Variants in MACROD2 observed in about 807,000 individuals in gnomAD.
The protein encoded by MACROD2 is mono-ADP ribosylhydrolase 2.
Under a neutral mutation model 70.4 loss-of-function variants are expected in MACROD2, and 36 were observed. That is an observed-to-expected ratio of 0.51 (90% CI 0.39 to 0.68). MACROD2 has a LOEUF of 0.68. Among genes scored for constraint, MACROD2 ranks in the 30% least tolerant of loss-of-function variants. The pLI is 0.00. For synonymous variants in MACROD2, 172 were observed against 178.8 expected (o/e 0.96, Z 0.30); for missense variants, 496 against 538.4 (o/e 0.92, Z 0.78).
chr20:14,488,473 T>C (rs1394050047), intron 3 of MACROD2, among the ~76,000 whole-genome samples: 2 of 152,240 alleles, frequency 1.3e-5, no homozygotes, highest in African/African-American at 4.8e-5. Context: ...GCTAATGCTT[T>C]AGTTCACCCT....
intron 6 of MACROD2, among the ~76,000 whole-genome samples, chr20:15,305,241 T>C (rs372768717): frequency 2.2e-4 from 33 of 152,142 alleles, no homozygotes; most frequent in African/African-American, 7.7e-4. Flanking sequence ...GTTTTTTTTT[T>C]CCCATGGATC....
At chr20:15,332,434 T>C (rs540212241) in intron 6 of MACROD2, among the ~76,000 whole-genome samples, 7 of 151,608 alleles carry the variant, frequency 4.6e-5, no homozygotes, top group Non-Finnish European at 1.0e-4. Context: ...GGGATCTAAA[T>C]TTGGGCCTCA....
rs756329264 is a variant in MACROD2 at position 15,967,546 on chromosome 20, T to C, written c.908-7T>C. On this transcript the variant is annotated splice_region_variant and splice_polypyrimidine_tract_variant and intron_variant, in intron 12 of 17. Coordinates refer to ENST00000684519, the MANE Select transcript of MACROD2 (RefSeq NM_001351661.2). The stretch of plus-strand genomic sequence containing the variant: ...GCTGACCAAAGGTTTTGCTTGTTTG[T>C]TGTTAGATTTTGCAAAGGATGAAAA... 2 of 1,610,126 alleles carry C rather than the reference T, an allele frequency of 1.2e-6. No homozygotes were observed. The highest frequency in any genetic ancestry group is 2.2e-5 in the South Asian group (2 of 90,240).
intron 3 of MACROD2, among the ~76,000 whole-genome samples, chr20:14,477,096 G>C (rs955065009): frequency 6.6e-6 from 1 of 152,090 alleles, no homozygotes; most frequent in Non-Finnish European, 1.5e-5. Context: ...ATTGGGAGGC[G>C]GGAAGGGGAC....
At chr20:15,536,077 T>C (rs2047870749) in intron 8 of MACROD2, among the ~76,000 whole-genome samples, 2 of 152,192 alleles carry the variant, frequency 1.3e-5, no homozygotes, top group South Asian at 2.1e-4. Context: ...GCAGGGTCCA[T>C]GCAGTTTCAC....
At chr20:15,725,275 A>G (rs2050844707) in intron 8 of MACROD2, among the ~76,000 whole-genome samples, 1 of 152,132 alleles carries the variant, frequency 6.6e-6, no homozygotes, top group East Asian at 1.9e-4. Context: ...AGAGTTTTGT[A>G]GTTTTCCTCA....
chr20:14,412,713 C>T (rs146397367), intron 3 of MACROD2, among the ~76,000 whole-genome samples: 41 of 152,208 alleles, frequency 2.7e-4, no homozygotes, highest in African/African-American at 9.1e-4. Context: ...ATTAAACAAA[C>T]GAATGTCTGT....
At chr20:14,322,193 T>C (rs2082668440) in intron 3 of MACROD2, among the ~76,000 whole-genome samples, 1 of 132,642 alleles carries the variant, frequency 7.5e-6, no homozygotes, top group South Asian at 2.3e-4. Flanking sequence ...TATATATATA[T>C]ATATATATTT....
intron 2 of MACROD2, among the ~76,000 whole-genome samples, chr20:14,067,220 T>C (rs2053775339): frequency 1.3e-5 from 2 of 149,012 alleles, no homozygotes; most frequent in African/African-American, 2.5e-5. Flanking sequence ...GCCTCCCTGG[T>C]TCAAGCGATT....
chr20:14,900,629 T>C (rs2073884008), intron 5 of MACROD2, among the ~76,000 whole-genome samples: 2 of 152,000 alleles, frequency 1.3e-5, no homozygotes, highest in Admixed American at 1.3e-4. Context: ...AAAATCTTTT[T>C]TGTTTCTGCG....
chr20:14,840,939 C>A (rs572268739), intron 5 of MACROD2, among the ~76,000 whole-genome samples: 94 of 151,930 alleles, frequency 6.2e-4, no homozygotes, highest in Admixed American at 1.3e-4. Context: ...ATCAGATGTT[C>A]CATAATAATA....
At chr20:14,286,692 C>A (rs1359837070) in intron 3 of MACROD2, among the ~76,000 whole-genome samples, 1 of 151,988 alleles carries the variant, frequency 6.6e-6, no homozygotes, top group East Asian at 1.9e-4. Context: ...TGTTAATTTG[C>A]TTTAACACAT....
rs11471295 is a variant in MACROD2 at position 15,591,586 on chromosome 20, T to TA, written c.645+91769dup. ...TCCTAGTTCTGAGGAAAGCCAGTAC[T>TA]AAAAAAAAAAAAAAAAAAAAAAAAA... On this transcript the variant is annotated intron_variant, in intron 8 of 17. Transcript: ENST00000684519. 8.1e-3 allele frequency among the ~76,000 whole-genome samples: 529 copies of TA among 65,132 alleles called. 27 individuals are homozygous for TA. The highest frequency in any genetic ancestry group is 0.032 in the East Asian group (58 of 1,840). The allele number at this position is 65,132 out of a possible 152,430, so 42.7% of individuals were successfully genotyped here.
In MACROD2 at chr20:15,554,510, C is replaced by T. The variant is rs535156551; in HGVS notation, c.645+54663C>T. ...CATCAAATAAGTTTCATATTTTTGG[C>T]TTTAGAACCTATACATCATGGTAGT... On this transcript the variant is annotated intron_variant, in intron 8 of 17. Coordinates refer to ENST00000684519, the MANE Select transcript of MACROD2 (RefSeq NM_001351661.2). 2.0e-4 allele frequency among the ~76,000 whole-genome samples: 30 copies of T among 147,136 alleles called. No homozygotes were observed. In the East Asian group the frequency reaches 2.8e-3, roughly 14 times the overall value.
At chr20:14,079,048 C>T (rs1357835533) in intron 2 of MACROD2, among the ~76,000 whole-genome samples, 1 of 152,026 alleles carries the variant, frequency 6.6e-6, no homozygotes, top group African/African-American at 2.4e-5. Flanking sequence ...AACCAAATTC[C>T]CTCACCAGTT....
chr20:15,367,099 C>T (rs574045272), intron 6 of MACROD2, among the ~76,000 whole-genome samples: 1 of 150,584 alleles, frequency 6.6e-6, no homozygotes, highest in South Asian at 2.1e-4. Flanking sequence ...ATGATCTCGG[C>T]TCACTGTAAC....
At chr20:14,004,631 AAG>A (rs2052786184) in intron 2 of MACROD2, among the ~76,000 whole-genome samples, 1 of 152,136 alleles carries the variant, frequency 6.6e-6, no homozygotes, top group African/African-American at 2.4e-5. Context: ...AATATTAGTC[AAG>A]AGAGTTTTAG....
chr20:14,627,605 C>T (rs1389865935), intron 4 of MACROD2, among the ~76,000 whole-genome samples: 1 of 152,166 alleles, frequency 6.6e-6, no homozygotes, highest in Non-Finnish European at 1.5e-5. Flanking sequence ...GGGAGGAAAA[C>T]TTAGAACTTT....
chr20:15,273,079 G>A (rs1259989142), intron 6 of MACROD2, among the ~76,000 whole-genome samples: 1 of 152,104 alleles, frequency 6.6e-6, no homozygotes, highest in African/African-American at 2.4e-5. Context: ...TGGATTGAAG[G>A]ATACAAGGTA....
Sources: gnomAD v4.1 joint callset for allele counts (sites outside exome capture counted in the v4.1 genomes callset) on GRCh38, gnomAD v4.1.1 for gene constraint, MANE v1.5 for transcripts, NCBI Gene and HGNC (gene_info 2026-07-23, HGNC 2026-07-21) for gene names.